The following FUT9 variants were observed in gnomAD, a reference collection of about 807,000 sequenced individuals.
FUT9 encodes 4-galactosyl-N-acetylglucosaminide 3-alpha-L-fucosyltransferase 9.
Under a neutral mutation model 29.7 loss-of-function variants are expected in FUT9, and 15 were observed. The ratio of observed to expected loss-of-function variants is 0.51; its 90% CI spans 0.34 to 0.78. The LOEUF (loss-of-function observed/expected upper bound fraction) is 0.78. FUT9 is among the 30% of genes least tolerant of loss of function. The probability of loss-of-function intolerance (pLI) is 0.01; values close to 1 mark genes in which losing one functional copy is unlikely to be tolerated. For synonymous variants in FUT9, 169 were observed against 153.7 expected, an observed-to-expected ratio of 1.10 and a Z score of -0.74; for missense variants, 319 against 425.4, an observed-to-expected ratio of 0.75 and a Z score of 2.20.
At chr6:96,085,430 A>T (rs1771300188) in intron 1 of FUT9, among the ~76,000 whole-genome samples, 3 of 152,202 alleles carry the variant, frequency 2.0e-5, no homozygotes, top group Admixed American at 2.0e-4. Flanking sequence ...AAGGGCACTA[A>T]TGATATTCCC....
At chr6:96,131,310 G>A (rs753658417) in intron 2 of FUT9, among the ~76,000 whole-genome samples, 2 of 151,900 alleles carry the variant, frequency 1.3e-5, no homozygotes, top group South Asian at 2.1e-4. Context: ...ACACCTTGAC[G>A]AGTAGCTTGA....
At chr6:96,151,595 G>A (rs944495040) in intron 2 of FUT9, among the ~76,000 whole-genome samples, 1 of 152,128 alleles carries the variant, frequency 6.6e-6, no homozygotes, top group African/African-American at 2.4e-5. Context: ...TAGTTCACTG[G>A]AAGGAATCGT....
At chr6:96,121,457 CT>C (rs1298294238) in intron 2 of FUT9, among the ~76,000 whole-genome samples, 2 of 152,042 alleles carry the variant, frequency 1.3e-5, no homozygotes, top group Admixed American at 1.3e-4. Context: ...ACTAGCCCCC[CT>C]AGGAAAAACA....
At chr6:96,202,252 A>T (rs1450234032) in intron 2 of FUT9, among the ~76,000 whole-genome samples, 1 of 152,110 alleles carries the variant, frequency 6.6e-6, no homozygotes, top group Admixed American at 6.6e-5. Flanking sequence ...TTTTAGCCAC[A>T]ATCTGCTAAA....
chr6:96,102,315 A>G (rs1771601888), intron 1 of FUT9, among the ~76,000 whole-genome samples: 1 of 152,188 alleles, frequency 6.6e-6, no homozygotes, highest in Non-Finnish European at 1.5e-5. Flanking sequence ...ATATAAATAC[A>G]GCACTAAATT....
At chr6:96,198,490 G>C (rs1217788443) in intron 2 of FUT9, among the ~76,000 whole-genome samples, 2 of 151,928 alleles carry the variant, frequency 1.3e-5, no homozygotes, top group Non-Finnish European at 2.9e-5. Flanking sequence ...GTGTATATGT[G>C]CCACATTTTC....
At chr6:96,158,468 A>T (rs930009061) in intron 2 of FUT9, among the ~76,000 whole-genome samples, 1 of 152,134 alleles carries the variant, frequency 6.6e-6, no homozygotes, top group African/African-American at 2.4e-5. Context: ...AGAAATGTGA[A>T]ATATTAATCC....
chr6:96,140,793 C>T (rs546189620), intron 2 of FUT9, among the ~76,000 whole-genome samples: 2 of 152,276 alleles, frequency 1.3e-5, no homozygotes, highest in Admixed American at 6.5e-5. Context: ...ACTGCATCCC[C>T]CTCATGACAT....
intron 2 of FUT9, among the ~76,000 whole-genome samples, chr6:96,200,145 T>C (rs1162698033): frequency 6.6e-6 from 1 of 152,124 alleles, no homozygotes; most frequent in Non-Finnish European, 1.5e-5. Flanking sequence ...AATGAGTTAA[T>C]AGGTGTGTGT....
At chr6:96,192,261 T>C (rs1773525480) in intron 2 of FUT9, among the ~76,000 whole-genome samples, 1 of 152,186 alleles carries the variant, frequency 6.6e-6, no homozygotes, top group South Asian at 2.1e-4. Flanking sequence ...GGAAGTCAAA[T>C]TGTCACTGTT....
intron 1 of FUT9, among the ~76,000 whole-genome samples, chr6:96,071,679 G>T (rs1430955611): frequency 6.6e-6 from 1 of 152,116 alleles, no homozygotes; most frequent in Non-Finnish European, 1.5e-5. Context: ...AAGACTCACG[G>T]CATTTTTAAA....
chr6:96,138,290 T>A (rs1283132431), intron 2 of FUT9, among the ~76,000 whole-genome samples: 2 of 152,204 alleles, frequency 1.3e-5, no homozygotes, highest in Admixed American at 6.5e-5. Flanking sequence ...GTCAGGATGA[T>A]CTTAGCAAAG....
chr6:96,070,151 T>C (rs1052993695), intron 1 of FUT9, among the ~76,000 whole-genome samples: 2 of 152,190 alleles, frequency 1.3e-5, no homozygotes, highest in African/African-American at 4.8e-5. Flanking sequence ...GTTGATGAGC[T>C]GATAAGTGAG....
At position 96,204,059 on chromosome 6, in the gene FUT9, C is replaced by T; in HGVS notation, c.904C>T (p.Leu302=). 2 of 1,565,420 alleles carry T rather than the reference C, an allele frequency of 1.3e-6. No homozygotes were observed. The highest frequency in any genetic ancestry group is 1.7e-6 in the Non-Finnish European group (2 of 1,157,496). The change falls in exon 3 of 3, where the codon CTG becomes TTG. Residue 302 remains leucine, a synonymous_variant. Coordinates refer to ENST00000302103, the MANE Select transcript of FUT9 (RefSeq NM_006581.4). ...YNSPSELAKY[L]KEVDKNNKLY... ...CTCTCCCAGTGAGCTAGCAAAGTAT[C>T]TGAAGGAAGTCGACAAAAACAATAA...
chr6:96,024,470 C>A (rs1416552633), intron 1 of FUT9, among the ~76,000 whole-genome samples: 1 of 151,718 alleles, frequency 6.6e-6, no homozygotes, highest in Non-Finnish European at 1.5e-5. Flanking sequence ...CCAGCCAATA[C>A]TCTATATTGG....
intron 1 of FUT9, among the ~76,000 whole-genome samples, chr6:96,052,022 A>G (rs987039901): frequency 1.3e-5 from 2 of 152,282 alleles, no homozygotes; most frequent in African/African-American, 4.8e-5. Context: ...TATATAGAAA[A>G]GAGGTTTAAT....
At chr6:96,139,249 T>C (rs1032817453) in intron 2 of FUT9, among the ~76,000 whole-genome samples, 2 of 152,174 alleles carry the variant, frequency 1.3e-5, no homozygotes, top group African/African-American at 4.8e-5. Flanking sequence ...AGTCAAATCT[T>C]AAAGCTTCGA....
At chr6:96,098,738 G>T (rs1771541458) in intron 1 of FUT9, among the ~76,000 whole-genome samples, 1 of 152,098 alleles carries the variant, frequency 6.6e-6, no homozygotes, top group East Asian at 1.9e-4. Flanking sequence ...TGGTAGGAAA[G>T]ATCTATCACC....
chr6:96,191,743 C>A (rs1465654707), intron 2 of FUT9, among the ~76,000 whole-genome samples: 1 of 152,054 alleles, frequency 6.6e-6, no homozygotes, highest in Non-Finnish European at 1.5e-5. Context: ...TTGGTGTTAT[C>A]CTGATACCAA....
Sources: gnomAD v4.1 joint callset for allele counts (sites outside exome capture counted in the v4.1 genomes callset) on GRCh38, gnomAD v4.1.1 for gene constraint, MANE v1.5 for transcripts, NCBI Gene and HGNC (gene_info 2026-07-23, HGNC 2026-07-21) for gene names.